GPA33: variants seen among roughly 807,000 people sequenced by gnomAD.
GPA33 encodes the protein cell surface A33 antigen.
A neutral mutation model predicts 35.6 loss-of-function variants in GPA33; 27 were observed. That is an observed-to-expected ratio of 0.76 (90% CI 0.56 to 1.04). The LOEUF (loss-of-function observed/expected upper bound fraction) is 1.04, where lower values mean the gene tolerates loss of function less well. Ranked by LOEUF, GPA33 falls within the 50% of genes least tolerant of loss-of-function variation. The pLI, the probability that GPA33 is intolerant of heterozygous loss-of-function variation, is 0.00. For missense variants in GPA33, 428 were observed against 411.9 expected, an observed-to-expected ratio of 1.04 and a Z score of -0.34; for synonymous variants, 176 against 164.0, an observed-to-expected ratio of 1.07 and a Z score of -0.56.
At position 167,054,094 on chromosome 1, in the gene GPA33, C is replaced by A. The variant is rs375327487; in HGVS notation, c.*240G>T. Reference sequence around the variant, plus strand: ...CCTGGTCTTGAGTGAGGGCCAGGCCCGCACCAGGTGTCACAGCCAGGAGGG... The same window carrying A: ...CCTGGTCTTGAGTGAGGGCCAGGCCAGCACCAGGTGTCACAGCCAGGAGGG... On this transcript the variant is annotated 3_prime_UTR_variant, in exon 7 of 7. Transcript: ENST00000367868. 1.8e-6 allele frequency: 1 copy of A among 547,374 alleles called. No individual in the cohort carries two copies. Among genetic ancestry groups the A allele is most frequent in the Non-Finnish European group, 3.2e-6 (1 of 308,124 alleles). The allele number at this position is 547,374 out of a possible 1,614,324, so 33.9% of individuals were successfully genotyped here. A position where few individuals can be genotyped will look rare whatever the true frequency, so the allele number is the denominator to read the frequency against.
intron 1 of GPA33, among the ~76,000 whole-genome samples, chr1:167,075,745 G>A (rs1253815801): frequency 2.6e-5 from 4 of 152,176 alleles, no homozygotes; most frequent in Admixed American, 1.3e-4. Context: ...CATGAAGACA[G>A]GAAAGACATG....
chr1:167,087,445 A>G (rs1240725239), intron 1 of GPA33, among the ~76,000 whole-genome samples: 1 of 152,234 alleles, frequency 6.6e-6, no homozygotes, highest in Non-Finnish European at 1.5e-5. Context: ...AGACTGTGCA[A>G]GAAGACTTTA....
At position 167,055,749 on chromosome 1, in the gene GPA33, G is replaced by C; in HGVS notation, c.672C>G (p.Ile224Met). The C allele has an allele frequency of 6.2e-7, 1 of 1,614,074 alleles. No individual in the cohort carries two copies. Among genetic ancestry groups the C allele is most frequent in the African/African-American group, 1.3e-5 (1 of 75,038 alleles). The change falls in exon 5 of 7, where the codon ATC (isoleucine) becomes ATG (methionine). Residue 224 changes from isoleucine to methionine, a missense_variant. Transcript: ENST00000367868. ...TCTTACGAGATCTGACGGCCACCGT[G>C]ATGTTGCAGAACTGCGTCCCCTCCT... ...SNEEGTQFCN[I>M]TVAVRSPSMN...
At chr1:167,060,925 C>T (rs1315084279) in intron 4 of GPA33, among the ~76,000 whole-genome samples, 1 of 152,220 alleles carries the variant, frequency 6.6e-6, no homozygotes, top group African/African-American at 2.4e-5. Context: ...CCATGCCAAG[C>T]CTCCTCATCC....
At chr1:167,086,766 T>A (rs924228572) in intron 1 of GPA33, among the ~76,000 whole-genome samples, 1 of 152,154 alleles carries the variant, frequency 6.6e-6, no homozygotes, top group African/African-American at 2.4e-5. Context: ...GAAAAAACAT[T>A]TTTTTCTAGA....
chr1:167,054,863 TG>T, intron 6 of GPA33, 112 bp downstream of exon 6: 1 of 1,190,654 alleles, frequency 8.4e-7, no homozygotes, highest in Non-Finnish European at 1.2e-6. Context: ...CAGCACAAAA[TG>T]GGGGTGATAT....
intron 4 of GPA33, among the ~76,000 whole-genome samples, chr1:167,062,467 T>C (rs1230196195): frequency 4.6e-5 from 7 of 151,974 alleles, no homozygotes; most frequent in Admixed American, 3.9e-4. Flanking sequence ...GTGATCCTCC[T>C]GCCTCAGCCT....
rs771989251 is a variant in GPA33, at chr1:167,080,848, G to A, written c.44-7309C>T. ...TAACATGTAAAAGGTCTCAATACGT[G>A]TTTTTTGACAGCAAATGAATGAATT... On this transcript the variant is annotated intron_variant, in intron 1 of 6. Coordinates refer to ENST00000367868, the MANE Select transcript of GPA33 (RefSeq NM_005814.3). Among the ~76,000 whole-genome samples the A allele has an allele frequency of 6.6e-5, 10 of 152,328 alleles. No individual in the cohort carries two copies. The East Asian group carries it at 1.3e-3, about 21-fold the overall frequency.
intron 2 of GPA33, among the ~76,000 whole-genome samples, chr1:167,072,593 T>A (rs1666740638): frequency 6.6e-6 from 1 of 152,206 alleles, no homozygotes; most frequent in Admixed American, 6.5e-5. Context: ...GTATTTATAT[T>A]TATGCAGCGT....
At chr1:167,063,273 G>A (rs1666503996) in intron 4 of GPA33, among the ~76,000 whole-genome samples, 1 of 152,100 alleles carries the variant, frequency 6.6e-6, no homozygotes, top group Non-Finnish European at 1.5e-5. Flanking sequence ...ACTAAAAATA[G>A]TGGTGGGCAC....
At chr1:167,058,024 C>T (rs912830690) in intron 4 of GPA33, among the ~76,000 whole-genome samples, 4 of 152,072 alleles carry the variant, frequency 2.6e-5, no homozygotes, top group African/African-American at 9.7e-5. Context: ...CACAGTGAAA[C>T]CCCGTCTCTA....
intron 1 of GPA33, chr1:167,078,440 T>A (rs907234753): frequency 1.3e-5 from 2 of 152,226 alleles, no homozygotes; most frequent in Non-Finnish European, 2.9e-5. Context: ...ACACCCACTA[T>A]TCTCTAGCAC....
At chr1:167,064,836 C>T (rs894171830) in intron 3 of GPA33, among the ~76,000 whole-genome samples, 1 of 152,016 alleles carries the variant, frequency 6.6e-6, no homozygotes, top group African/African-American at 2.4e-5. Context: ...GCCATAAGCA[C>T]GGGATGATGG....
chr1:167,057,994 T>A lies in GPA33; in HGVS notation c.572-2145A>T, dbSNP rs915577466. ...CGGGCAGATCACTTGAGGTCAGGAG[T>A]TCGAGACCAGCCTGACTAACACAGT... is the stretch of plus-strand genomic sequence containing the variant. On this transcript the variant is annotated intron_variant, in intron 4 of 6. Coordinates refer to ENST00000367868, the MANE Select transcript of GPA33 (RefSeq NM_005814.3). 5.3e-5 allele frequency among the ~76,000 whole-genome samples: 8 copies of A among 152,076 alleles called. No individual in the cohort carries two copies. The East Asian group carries it at 1.2e-3, about 22-fold the overall frequency.
intron 3 of GPA33, among the ~76,000 whole-genome samples, chr1:167,067,555 T>C (rs184209796): frequency 2.6e-3 from 401 of 152,312 alleles, no homozygotes; most frequent in Non-Finnish European, 4.3e-3. Context: ...TGTGCATTAA[T>C]ACTTCCATTG....
intron 1 of GPA33, among the ~76,000 whole-genome samples, chr1:167,087,470 T>C (rs1398544088): frequency 6.6e-6 from 1 of 152,158 alleles, no homozygotes; most frequent in Non-Finnish European, 1.5e-5. Flanking sequence ...AGTGAAGCCA[T>C]TTGCCCACAC....
chr1:167,073,627 T>C (rs1210110570), intron 1 of GPA33, 88 bp from the exon 2 acceptor site: 24 of 1,187,870 alleles, frequency 2.0e-5, no homozygotes, highest in Non-Finnish European at 2.4e-5. Context: ...TGAGGGAATG[T>C]CCAGGGCTGT....
chr1:167,086,581 C>T (rs1330639068), intron 1 of GPA33, among the ~76,000 whole-genome samples: 1 of 152,160 alleles, frequency 6.6e-6, no homozygotes, highest in Admixed American at 6.5e-5. Context: ...TAGGGCACCA[C>T]ATTTAGGAAA....
intron 1 of GPA33, chr1:167,082,219 C>G: frequency 2.2e-6 from 1 of 454,914 alleles, no homozygotes; most frequent in Non-Finnish European, 4.4e-6. Flanking sequence ...GAAAATACAC[C>G]AAAATACAGT....
Sources: gnomAD v4.1 joint callset for allele counts (sites outside exome capture counted in the v4.1 genomes callset) on GRCh38, gnomAD v4.1.1 for gene constraint, MANE v1.5 for transcripts, NCBI Gene and HGNC (gene_info 2026-07-23, HGNC 2026-07-21) for gene names.